Variants in CCDC171 observed in about 807,000 individuals in gnomAD.
CCDC171 encodes the protein coiled-coil domain-containing protein 171.
Under a neutral mutation model 168.2 loss-of-function variants are expected in CCDC171, and 177 were observed. The observed-to-expected ratio is 1.05, with a 90% CI of 0.93 to 1.19. The LOEUF is 1.19. Among genes scored for constraint, CCDC171 ranks in the 50% most tolerant of loss-of-function variants. The probability of loss-of-function intolerance (pLI) is 0.00; values close to 1 mark genes in which losing one functional copy is unlikely to be tolerated. For missense variants in CCDC171, 1,991 were observed against 1,539.0 expected (o/e 1.29, Z -4.91); for synonymous variants, 687 against 540.8 (o/e 1.27, Z -3.75).
chr9:15,663,786 T>C (rs1394157221), intron 8 of CCDC171, among the ~76,000 whole-genome samples: 2 of 151,976 alleles, frequency 1.3e-5, no homozygotes, highest in Non-Finnish European at 2.9e-5. Context: ...TTTTGTACTT[T>C]TAGTAGAGAT....
At chr9:15,722,493 T>G (rs1252379911) in intron 12 of CCDC171, among the ~76,000 whole-genome samples, 1 of 152,244 alleles carries the variant, frequency 6.6e-6, no homozygotes. Context: ...AAATGTTTTA[T>G]GAATTTGTGC....
chr9:15,662,778 C>G (rs559625199), intron 8 of CCDC171, among the ~76,000 whole-genome samples: 18 of 151,978 alleles, frequency 1.2e-4, no homozygotes, highest in Middle Eastern at 3.4e-3. Flanking sequence ...GAGTTCGGGA[C>G]CAGCCTGGCC....
intron 7 of CCDC171, among the ~76,000 whole-genome samples, chr9:15,654,717 C>T (rs766174319): frequency 1.1e-4 from 16 of 152,112 alleles, no homozygotes; most frequent in South Asian, 2.1e-4. Flanking sequence ...TAGCTCCCAG[C>T]GTGAGCGACG....
intron 1 of CCDC171, among the ~76,000 whole-genome samples, chr9:15,560,136 C>G (rs1452188103): frequency 3.9e-5 from 6 of 152,084 alleles, no homozygotes; most frequent in Non-Finnish European, 8.8e-5. Context: ...TGTGGGTAAC[C>G]TGACGTTTCT....
At chr9:15,918,894 T>C (rs1390463386) in intron 24 of CCDC171, among the ~76,000 whole-genome samples, 2 of 151,692 alleles carry the variant, frequency 1.3e-5, no homozygotes, top group Admixed American at 1.3e-4. Flanking sequence ...GGTTTTTATC[T>C]TTTCTAATTT....
intron 1 of CCDC171, among the ~76,000 whole-genome samples, chr9:16,047,367 C>A (rs1390128035): frequency 6.6e-6 from 1 of 152,124 alleles, no homozygotes; most frequent in African/African-American, 2.4e-5. Flanking sequence ...TGCCTTTCAC[C>A]CACCCCTGCC....
At chr9:15,747,212 G>C (rs1192192412) in intron 18 of CCDC171, among the ~76,000 whole-genome samples, 2 of 152,214 alleles carry the variant, frequency 1.3e-5, no homozygotes, top group Non-Finnish European at 2.9e-5. Context: ...CAGCTCTGTG[G>C]ATGGGGCATA....
intron 25 of CCDC171, among the ~76,000 whole-genome samples, chr9:15,950,226 C>G (rs1388329421): frequency 6.9e-6 from 1 of 143,926 alleles, no homozygotes; most frequent in African/African-American, 2.4e-5. Flanking sequence ...GAGAACTTCC[C>G]CAATCTAGCA....
At chr9:15,619,891 A>G (rs1486238844) in intron 6 of CCDC171, among the ~76,000 whole-genome samples, 2 of 152,126 alleles carry the variant, frequency 1.3e-5, no homozygotes, top group Non-Finnish European at 2.9e-5. Context: ...CCATTCTCCA[A>G]ATCCTAGGGC....
chr9:15,626,814 G>A (rs925786835), intron 7 of CCDC171, among the ~76,000 whole-genome samples: 1 of 152,152 alleles, frequency 6.6e-6, no homozygotes, highest in East Asian at 1.9e-4. Flanking sequence ...TTGGTATCAG[G>A]ATGATGCTGG....
chr9:16,011,311 T>C (rs1361034061), intron 3 of CCDC171, among the ~76,000 whole-genome samples: 3 of 152,190 alleles, frequency 2.0e-5, no homozygotes, highest in Non-Finnish European at 4.4e-5. Flanking sequence ...ATCCTGTTTA[T>C]GCTGCCATCA....
chr9:15,677,541 A>C lies in CCDC171; in HGVS notation c.1077-1217A>C, dbSNP rs115822825. On this transcript the variant is annotated intron_variant, in intron 9 of 25. Transcript: ENST00000380701. The stretch of plus-strand genomic sequence containing the variant: ...TTTAATCAGGGGAAACAGGTCTACT[A>C]CATTTTTAGGAAGATCTCAGATTTA... Among the ~76,000 whole-genome samples the C allele has an allele frequency of 5.3e-3, 812 of 152,098 alleles. 7 individuals are homozygous for C. Among genetic ancestry groups the C allele is most frequent in the African/African-American group, 0.019 (794 of 41,494 alleles).
At chr9:16,091,617 C>T in the CCDC171 span, among the ~76,000 whole-genome samples, 1 of 152,192 alleles carries the variant, frequency 6.6e-6, no homozygotes, top group African/African-American at 2.4e-5. Context: ...TCCTTCTGCA[C>T]ATTCTAGGAA....
chr9:15,622,095 A>C (rs986201087), intron 6 of CCDC171, among the ~76,000 whole-genome samples: 1 of 152,204 alleles, frequency 6.6e-6, no homozygotes, highest in East Asian at 1.9e-4. Context: ...ACACATGGAC[A>C]CAAAGAGGGG....
chr9:15,647,648 A>G lies in CCDC171; in HGVS notation c.823-9479A>G, dbSNP rs569813931. Among the ~76,000 whole-genome samples the G allele has an allele frequency of 4.6e-5, 7 of 152,344 alleles. No individual in the cohort carries two copies. The South Asian group carries it at 8.3e-4, about 18-fold the overall frequency. On this transcript the variant is annotated intron_variant, in intron 7 of 25. Coordinates refer to ENST00000380701, the MANE Select transcript of CCDC171 (RefSeq NM_173550.4). ...ATACAAATAAACTAGAAAATCTAGAAGAAATGCATAAATTCCTGGACACAT... is the reference window on the plus strand; with the variant it reads ...ATACAAATAAACTAGAAAATCTAGAGGAAATGCATAAATTCCTGGACACAT...
intron 4 of CCDC171, among the ~76,000 whole-genome samples, chr9:15,583,183 G>A (rs1032726524): frequency 6.6e-6 from 1 of 152,096 alleles, no homozygotes. Context: ...TTGGGAGGCC[G>A]AGGAGGGCAG....
intron 25 of CCDC171, among the ~76,000 whole-genome samples, chr9:15,935,085 G>C (rs1034099952): frequency 6.6e-6 from 1 of 152,072 alleles, no homozygotes; most frequent in African/African-American, 2.4e-5. Context: ...ACTACATGGT[G>C]GTGATGGTGG....
intron 10 of CCDC171, among the ~76,000 whole-genome samples, 169 bp downstream of exon 10, chr9:15,679,065 C>G (rs574902077): frequency 6.6e-6 from 1 of 152,044 alleles, no homozygotes; most frequent in South Asian, 2.1e-4. Flanking sequence ...CAAAGATACA[C>G]ATAATGAAAC....
At chr9:15,969,815 G>A (rs538407782) in intron 25 of CCDC171, among the ~76,000 whole-genome samples, 1 of 152,242 alleles carries the variant, frequency 6.6e-6, no homozygotes, top group East Asian at 1.9e-4. Context: ...AGTCAATCCA[G>A]TAATGACACT....
Sources: allele counts gnomAD v4.1 joint callset (sites outside exome capture counted in the v4.1 genomes callset), GRCh38; gene constraint gnomAD v4.1.1; transcripts MANE v1.5; gene names NCBI Gene and HGNC (gene_info 2026-07-23, HGNC 2026-07-21).